The following USP13 variants were observed in gnomAD, a reference collection of about 807,000 sequenced individuals.
The protein encoded by USP13 is ubiquitin specific peptidase 13.
A neutral mutation model predicts 107.8 loss-of-function variants in USP13; 68 were observed. The ratio of observed to expected loss-of-function variants is 0.63; its 90% CI spans 0.52 to 0.77. The LOEUF is 0.77. Among genes scored for constraint, USP13 ranks in the 30% least tolerant of loss-of-function variants. USP13 has a pLI of 0.00. For synonymous variants in USP13, 377 were observed against 389.5 expected, an observed-to-expected ratio of 0.97 and a Z score of 0.38; for missense variants, 945 against 1,093.3, an observed-to-expected ratio of 0.86 and a Z score of 1.91.
intron 11 of USP13, among the ~76,000 whole-genome samples, chr3:179,741,485 G>A (rs1253336108): frequency 6.7e-6 from 1 of 150,310 alleles, no homozygotes; most frequent in Non-Finnish European, 1.5e-5. Flanking sequence ...CTCCCGAGTA[G>A]CTGGGATTAT....
intron 1 of USP13, among the ~76,000 whole-genome samples, chr3:179,669,291 T>A (rs1348228484): frequency 1.3e-5 from 2 of 152,136 alleles, no homozygotes; most frequent in East Asian, 3.9e-4. Context: ...TGAAACTCCA[T>A]CTCTACTAAA....
At chr3:179,673,642 C>T (rs1222720028) in intron 1 of USP13, among the ~76,000 whole-genome samples, 1 of 152,122 alleles carries the variant, frequency 6.6e-6, no homozygotes, top group African/African-American at 2.4e-5. Context: ...GGAGTAGTTC[C>T]TGGGCAGAGA....
chr3:179,669,313 T>C (rs1280994808), intron 1 of USP13, among the ~76,000 whole-genome samples: 2 of 152,020 alleles, frequency 1.3e-5, no homozygotes, highest in Admixed American at 1.3e-4. Context: ...ATACAAAAAT[T>C]AGCCAGCATG....
At chr3:179,672,194 T>C (rs1200505877) in intron 1 of USP13, among the ~76,000 whole-genome samples, 1 of 152,234 alleles carries the variant, frequency 6.6e-6, no homozygotes, top group Non-Finnish European at 1.5e-5. Flanking sequence ...GTTTTAACAT[T>C]CTTTTAAACG....
At position 179,764,861 on chromosome 3, in the gene USP13, C is replaced by A. The variant is rs1250290729; in HGVS notation, c.2259+693C>A. 2.0e-5 allele frequency among the ~76,000 whole-genome samples: 3 copies of A among 152,124 alleles called. No homozygotes were observed. In the South Asian group the frequency reaches 6.2e-4, roughly 32 times the overall value. On this transcript the variant is annotated intron_variant, in intron 18 of 20. Coordinates refer to ENST00000263966, the MANE Select transcript of USP13 (RefSeq NM_003940.3). ...ACTTCTTGCCTATCCTGATGGGGTG[C>A]CTGCTAGGATCCGTTGCTGAGGTCA... is the stretch of plus-strand genomic sequence containing the variant.
intron 19 of USP13, among the ~76,000 whole-genome samples, chr3:179,779,712 G>C (rs1576997568): frequency 7.1e-6 from 1 of 140,524 alleles, no homozygotes; most frequent in East Asian, 2.1e-4. Flanking sequence ...TTGACGCAAG[G>C]GTTTGTTAAA....
At chr3:179,724,753 G>A (rs184090375) in intron 8 of USP13, among the ~76,000 whole-genome samples, 2 of 152,182 alleles carry the variant, frequency 1.3e-5, no homozygotes, top group African/African-American at 4.8e-5. Flanking sequence ...CAAACAGGAG[G>A]TATAACATCT....
chr3:179,743,617 T>A (rs1034348426), intron 12 of USP13, among the ~76,000 whole-genome samples: 1 of 152,200 alleles, frequency 6.6e-6, no homozygotes, highest in African/African-American at 2.4e-5. Context: ...GTTTGTTTCC[T>A]TGTTAGAACT....
chr3:179,690,441 G>A (rs925784885), intron 3 of USP13, 140 bp downstream of exon 3: 34 of 712,478 alleles, frequency 4.8e-5, no homozygotes, highest in African/African-American at 4.6e-4. Flanking sequence ...TTTAAGGCCC[G>A]CCTCCACTTT....
intron 17 of USP13, among the ~76,000 whole-genome samples, chr3:179,761,846 T>G (rs184959628): frequency 5.9e-5 from 9 of 152,334 alleles, no homozygotes; most frequent in African/African-American, 1.9e-4. Context: ...GGGATATACT[T>G]CTAACTAAGC....
intron 15 of USP13, among the ~76,000 whole-genome samples, chr3:179,756,150 C>G (rs189138366): frequency 2.0e-5 from 3 of 152,216 alleles, no homozygotes; most frequent in East Asian, 3.9e-4. Context: ...GAGGGCCAGG[C>G]GCGGTGGCTC....
chr3:179,701,850 A>G (rs1712535155), intron 4 of USP13, among the ~76,000 whole-genome samples: 1 of 152,048 alleles, frequency 6.6e-6, no homozygotes. Flanking sequence ...ATCTGCTGGT[A>G]GTGATAGAGG....
At chr3:179,683,961 TTTTA>T (rs1353699600) in intron 2 of USP13, among the ~76,000 whole-genome samples, 2 of 151,992 alleles carry the variant, frequency 1.3e-5, no homozygotes, top group African/African-American at 4.8e-5. Flanking sequence ...ACCCTTTTCG[TTTTA>T]TTTATTTATT....
At chr3:179,665,824 G>A (rs1164663263) in intron 1 of USP13, among the ~76,000 whole-genome samples, 3 of 152,292 alleles carry the variant, frequency 2.0e-5, no homozygotes, top group East Asian at 3.9e-4. Context: ...GACCTCAAGT[G>A]ATCTGCCTGC....
At position 179,713,501 on chromosome 3, in the gene USP13, C is replaced by G. The variant is rs147165292; in HGVS notation, c.805+4544C>G. On this transcript the variant is annotated intron_variant, in intron 6 of 20. Transcript: ENST00000263966. ...TGATGAGCCTTGTGGACATTGAGGC[C>G]CAGGGGTAGGGTGCCCTCTGTCTGG... Among the ~76,000 whole-genome samples, 196 of 151,612 alleles carry G rather than the reference C, an allele frequency of 1.3e-3. 6 individuals carry two copies. In the East Asian group the frequency reaches 0.037, roughly 29 times the overall value.
chr3:179,728,190 T>A (rs1224948146), intron 8 of USP13, among the ~76,000 whole-genome samples: 16 of 109,564 alleles, frequency 1.5e-4, no homozygotes, highest in East Asian at 3.0e-4. Flanking sequence ...GCGGCTGGCC[T>A]GGCGGGGGGC....
intron 1 of USP13, among the ~76,000 whole-genome samples, chr3:179,675,010 C>T (rs2108447402): frequency 6.6e-6 from 1 of 152,156 alleles, no homozygotes; most frequent in South Asian, 2.1e-4. Flanking sequence ...CCTGTCTCTA[C>T]TAAAAATACA....
At chr3:179,765,629 G>A in intron 18 of USP13, 66 bp from the exon 19 acceptor site, 1 of 1,565,380 alleles carries the variant, frequency 6.4e-7, no homozygotes, top group South Asian at 1.2e-5. Flanking sequence ...AGTTGAAATG[G>A]TCAGGACATA....
chr3:179,712,065 A>G (rs1712950078), intron 6 of USP13, among the ~76,000 whole-genome samples: 2 of 152,210 alleles, frequency 1.3e-5, no homozygotes. Context: ...TTATGGGACC[A>G]CTGCCATATA....
Sources: allele counts gnomAD v4.1 joint callset (sites outside exome capture counted in the v4.1 genomes callset), GRCh38; gene constraint gnomAD v4.1.1; transcripts MANE v1.5; gene names NCBI Gene and HGNC (gene_info 2026-07-23, HGNC 2026-07-21).